The following ADAM22 variants were observed in gnomAD, a reference collection of about 807,000 sequenced individuals.
ADAM22 encodes ADAM metallopeptidase domain 22.
Under a neutral mutation model 144.6 loss-of-function variants are expected in ADAM22, and 65 were observed. The observed-to-expected ratio is 0.45, with a 90% CI of 0.37 to 0.55. The LOEUF is 0.55. Ranked by LOEUF, ADAM22 falls within the 20% of genes least tolerant of loss-of-function variation. ADAM22 has a pLI of 0.00. For missense variants in ADAM22, 974 were observed against 1,184.9 expected, an observed-to-expected ratio of 0.82 and a Z score of 2.61; for synonymous variants, 391 against 412.6, an observed-to-expected ratio of 0.95 and a Z score of 0.63.
intron 8 of ADAM22, among the ~76,000 whole-genome samples, chr7:88,127,018 T>C (rs1273150143): frequency 6.6e-6 from 1 of 151,802 alleles, no homozygotes; most frequent in Non-Finnish European, 1.5e-5. Flanking sequence ...ACCCATGTGT[T>C]CCATGAATTA....
chr7:87,949,801 C>A (rs1016996705), intron 2 of ADAM22, among the ~76,000 whole-genome samples: 1 of 149,314 alleles, frequency 6.7e-6, no homozygotes, highest in Non-Finnish European at 1.5e-5. Flanking sequence ...CTAAAATATT[C>A]ATATTATTTA....
intron 2 of ADAM22, among the ~76,000 whole-genome samples, chr7:87,954,718 G>A (rs919392426): frequency 6.6e-6 from 1 of 152,076 alleles, no homozygotes; most frequent in Non-Finnish European, 1.5e-5. Flanking sequence ...AGTTCTCCTG[G>A]ATAATATCCT....
intron 2 of ADAM22, among the ~76,000 whole-genome samples, chr7:87,975,567 T>A (rs931273103): frequency 6.6e-6 from 1 of 152,206 alleles, no homozygotes; most frequent in African/African-American, 2.4e-5. Flanking sequence ...GATTTTCTTT[T>A]GAATTTAAGT....
At chr7:87,953,496 G>A (rs1845783902) in intron 2 of ADAM22, among the ~76,000 whole-genome samples, 2 of 152,116 alleles carry the variant, frequency 1.3e-5, no homozygotes, top group African/African-American at 4.8e-5. Flanking sequence ...ATTGCACTGT[G>A]GTCTGAGAGA....
chr7:88,019,452 G>T (rs1343537152), intron 3 of ADAM22, among the ~76,000 whole-genome samples: 1 of 152,112 alleles, frequency 6.6e-6, no homozygotes, highest in Non-Finnish European at 1.5e-5. Flanking sequence ...TCCTGCCTGG[G>T]CGACAGAGTG....
chr7:87,966,508 T>C (rs1849078390), intron 2 of ADAM22, among the ~76,000 whole-genome samples: 1 of 152,138 alleles, frequency 6.6e-6, no homozygotes, highest in Non-Finnish European at 1.5e-5. Flanking sequence ...TGAGGCTGCC[T>C]GACTTCCTGA....
chr7:88,044,020 G>A (rs1197581716), intron 3 of ADAM22, among the ~76,000 whole-genome samples: 1 of 152,166 alleles, frequency 6.6e-6, no homozygotes, highest in Admixed American at 6.5e-5. Context: ...CATTGCTACA[G>A]TATGGCATAC....
rs1835562077 is a variant in ADAM22, at chr7:88,143,971, T to C, written c.1320+846T>C. ...AACAGTTCAAGTCTTTTTACCAAAA[T>C]AATTGATTATTATAAACCCAGAGTA... On this transcript the variant is annotated intron_variant, in intron 15 of 31. Transcript: ENST00000413139. Among the ~76,000 whole-genome samples the C allele has an allele frequency of 2.0e-5, 3 of 152,238 alleles. No individual in the cohort carries two copies. In the South Asian group the frequency reaches 6.2e-4, roughly 31 times the overall value.
At chr7:88,002,061 C>G (rs1225003210) in intron 3 of ADAM22, among the ~76,000 whole-genome samples, 2 of 151,876 alleles carry the variant, frequency 1.3e-5, no homozygotes, top group African/African-American at 4.8e-5. Flanking sequence ...GCCAAGTAGT[C>G]AAATATGATG....
intron 2 of ADAM22, among the ~76,000 whole-genome samples, chr7:87,952,776 T>A (rs372252999): frequency 6.6e-6 from 1 of 152,232 alleles, no homozygotes; most frequent in East Asian, 1.9e-4. Context: ...TGGTCCTGGA[T>A]TCTTTTTTAT....
At chr7:88,065,669 A>G (rs1811045475) in intron 3 of ADAM22, among the ~76,000 whole-genome samples, 1 of 151,990 alleles carries the variant, frequency 6.6e-6, no homozygotes, top group Non-Finnish European at 1.5e-5. Context: ...CTTCTATGGC[A>G]TGTTAGTGTC....
chr7:87,985,770 A>G (rs1259123833), intron 3 of ADAM22, among the ~76,000 whole-genome samples: 1 of 152,210 alleles, frequency 6.6e-6, no homozygotes, highest in African/African-American at 2.4e-5. Flanking sequence ...ACTATGAACA[A>G]TCTGTCTGTG....
chr7:88,128,644 A>G lies in ADAM22; in HGVS notation c.721A>G (p.Ile241Val), dbSNP rs1456478974. 3.1e-6 allele frequency: 5 copies of G among 1,612,158 alleles called. No individual in the cohort carries two copies. The highest frequency in any genetic ancestry group is 1.1e-5 in the South Asian group (1 of 91,014). The change falls in exon 9 of 32, where the codon ATT (isoleucine) becomes GTT (valine). Residue 241 changes from isoleucine to valine, a missense_variant. Physicochemically the swap from Ile to Val is conservative, Grantham distance 29. Around this residue, in one of 2 missense-constraint regions of ADAM22, gnomAD observed 734 missense variants for 950.6 expected, o/e 0.77. Transcript: ENST00000413139. ...PRNVEEETKY[I>V]ELMIVNDHLM... ...TAATGTAGAAGAAGAAACCAAATAC[A>G]TTGAACTGATGATTGTGAATGATCA...
chr7:88,009,713 G>A (rs1434781801), intron 3 of ADAM22, among the ~76,000 whole-genome samples: 1 of 152,162 alleles, frequency 6.6e-6, no homozygotes, highest in African/African-American at 2.4e-5. Context: ...TCTGGTGACT[G>A]GAAAAATTTT....
chr7:88,053,459 T>G (rs1807075895), intron 3 of ADAM22, among the ~76,000 whole-genome samples: 1 of 151,540 alleles, frequency 6.6e-6, no homozygotes, highest in Non-Finnish European at 1.5e-5. Flanking sequence ...ACAGAGCAAG[T>G]ATCTCTCTCT....
intron 15 of ADAM22, among the ~76,000 whole-genome samples, chr7:88,143,535 T>C (rs1835427313): frequency 6.6e-6 from 1 of 152,222 alleles, no homozygotes; most frequent in African/African-American, 2.4e-5. Flanking sequence ...ACTGCCTTTC[T>C]GAATGAGCAG....
intron 26 of ADAM22, among the ~76,000 whole-genome samples, chr7:88,173,407 A>G (rs928279922): frequency 7.9e-5 from 12 of 152,034 alleles, no homozygotes; most frequent in Admixed American, 7.9e-4. Context: ...GTCCTTGCCC[A>G]TAACTAATGA....
At chr7:88,086,985 C>T (rs6951172) in intron 4 of ADAM22, among the ~76,000 whole-genome samples, 83,923 of 151,968 alleles carry the variant, frequency 0.55, 24,230 homozygotes, top group East Asian at 0.88. Context: ...ACCATTCAAT[C>T]CTCAAGACAA....
chr7:88,022,395 A>G (rs1468559326), intron 3 of ADAM22, among the ~76,000 whole-genome samples: 3 of 152,192 alleles, frequency 2.0e-5, no homozygotes, highest in Non-Finnish European at 4.4e-5. Flanking sequence ...ATATGTGCTA[A>G]ATGATTCTTA....
Sources: allele counts gnomAD v4.1 joint callset (sites outside exome capture counted in the v4.1 genomes callset), GRCh38; gene constraint gnomAD v4.1.1; regional missense constraint gnomAD v4.1.1; transcripts MANE v1.5; gene names NCBI Gene and HGNC (gene_info 2026-07-23, HGNC 2026-07-21).